CRLF3: variants seen among roughly 807,000 people sequenced by gnomAD.
The protein encoded by CRLF3 is cytokine receptor-like factor 3.
Under a neutral mutation model 55.0 loss-of-function variants are expected in CRLF3, and 33 were observed. That is an observed-to-expected ratio of 0.60 (90% confidence interval 0.46 to 0.80). The LOEUF is 0.80. Among genes scored for constraint, CRLF3 ranks in the 30% least tolerant of loss-of-function variants. The pLI, the probability that CRLF3 is intolerant of heterozygous loss-of-function variation, is 0.00. For missense variants in CRLF3, 494 were observed against 538.4 expected, an observed-to-expected ratio of 0.92 and a Z score of 0.82; for synonymous variants, 238 against 196.8, an observed-to-expected ratio of 1.21 and a Z score of -1.75.
At position 30,783,552 on chromosome 17, in the gene CRLF3, G is replaced by C. The variant is rs1971552714; in HGVS notation, c.*635C>G. The C allele has an allele frequency of 1.3e-5, 2 of 152,226 alleles. No individual in the cohort carries two copies. Among genetic ancestry groups the C allele is most frequent in the Admixed American group, 6.6e-5 (1 of 15,264 alleles). The allele number at this position is 152,226 out of a possible 1,614,324, so 9.4% of individuals were successfully genotyped here. On this transcript the variant is annotated 3_prime_UTR_variant, in exon 8 of 8. Coordinates refer to ENST00000324238, the MANE Select transcript of CRLF3 (RefSeq NM_015986.4). ...GGATCGCTTGAACGTGGGAGGCAGA[G>C]GTTGCAGTGAACTGAGATCACACCA... is the stretch of plus-strand genomic sequence containing the variant.
At position 30,793,565 on chromosome 17, in the gene CRLF3, C is replaced by T. The variant is rs765320244; in HGVS notation, c.711G>A (p.Leu237=). ...YVGSETEFIV[L]HIDPNVDYQF... is the part of the protein sequence containing the mutation. ...GGTAATCAACGTTGGGGTCTATGTG[C>T]AATACTATGAATTCAGTTTCAGAAC... Residue 237 remains leucine (L), a synonymous_variant, in exon 5 of 8, where the codon TTG becomes TTA. Transcript: ENST00000324238. 5 of 1,614,014 alleles carry T rather than the reference C, an allele frequency of 3.1e-6. No homozygotes were observed. Among genetic ancestry groups the T allele is most frequent in the Non-Finnish European group, 4.2e-6 (5 of 1,179,966 alleles).
intron 7 of CRLF3, chr17:30,784,695 C>T (rs971671343): frequency 2.6e-6 from 1 of 387,184 alleles, no homozygotes; most frequent in Non-Finnish European, 4.7e-6. Flanking sequence ...AATAGCAAGA[C>T]TATTTCTTAT....
rs532757594 is a variant in CRLF3 at position 30,809,335 on chromosome 17, T to C, written c.130-5227A>G. On this transcript the variant is annotated intron_variant, in intron 1 of 7. Transcript: ENST00000324238. ...ACTTGATACCACCATGGGATCATTT[T>C]CTTTTCCTTGAAATATTTCATGATT... is the stretch of plus-strand genomic sequence containing the variant. 6.6e-5 allele frequency among the ~76,000 whole-genome samples: 10 copies of C among 152,334 alleles called. No individual in the cohort carries two copies. The South Asian group carries it at 1.9e-3, about 28-fold the overall frequency.
chr17:30,785,894 A>G, intron 7 of CRLF3, 25 bp downstream of exon 7: 6 of 1,178,950 alleles, frequency 5.1e-6, no homozygotes, highest in Non-Finnish European at 6.3e-6. Context: ...TATTTCCAAG[A>G]GAATGACAGT....
chr17:30,807,202 G>A (rs1173883884), intron 1 of CRLF3, among the ~76,000 whole-genome samples: 3 of 151,880 alleles, frequency 2.0e-5, no homozygotes, highest in African/African-American at 7.3e-5. Flanking sequence ...AGTTTCATAT[G>A]ACATATTGTT....
At chr17:30,784,592 T>G in intron 7 of CRLF3, 149 bp from the exon 8 acceptor site, 1 of 667,986 alleles carries the variant, frequency 1.5e-6, no homozygotes. Context: ...TAGAGTTCTG[T>G]CCAGGGTTGT....
At chr17:30,819,068 C>T (rs1016226018) in intron 1 of CRLF3, among the ~76,000 whole-genome samples, 1 of 152,182 alleles carries the variant, frequency 6.6e-6, no homozygotes, top group Non-Finnish European at 1.5e-5. Context: ...CCACCCGCCT[C>T]GGCCTCCCAA....
At chr17:30,797,859 T>G (rs1971944905) in intron 2 of CRLF3, among the ~76,000 whole-genome samples, 1 of 150,624 alleles carries the variant, frequency 6.6e-6, no homozygotes, top group Admixed American at 6.7e-5. Flanking sequence ...ACTGCAGCCT[T>G]GAACTTCCAG....
intron 2 of CRLF3, among the ~76,000 whole-genome samples, chr17:30,797,932 G>A (rs1209224075): frequency 2.1e-5 from 3 of 140,970 alleles, no homozygotes; most frequent in African/African-American, 8.3e-5. Flanking sequence ...ACGCCACCAT[G>A]CCCAGCTATT....
chr17:30,800,981 AGC>A (rs1971999119), intron 2 of CRLF3: 1 of 152,234 alleles, frequency 6.6e-6, no homozygotes, highest in African/African-American at 2.4e-5. Context: ...TCACTGTGTT[AGC>A]CAGGATGGTC....
At chr17:30,793,357 G>C in intron 5 of CRLF3, 93 bp downstream of exon 5, 2 of 885,314 alleles carry the variant, frequency 2.3e-6, no homozygotes, top group Non-Finnish European at 3.6e-6. Context: ...TCTATGCTTA[G>C]AATAGCTGGT....
intron 1 of CRLF3, among the ~76,000 whole-genome samples, chr17:30,820,705 T>C (rs911424949): frequency 6.6e-6 from 1 of 151,088 alleles, no homozygotes; most frequent in Non-Finnish European, 1.5e-5. Context: ...GGCAGGAGAA[T>C]CTCTTGAACC....
At position 30,788,177 on chromosome 17, in the gene CRLF3, A is replaced by C. The variant is rs144869649; in HGVS notation, c.960-2146T>G. Among the ~76,000 whole-genome samples, 78 of 150,450 alleles carry C rather than the reference A, an allele frequency of 5.2e-4. 1 individual carries two copies. Among genetic ancestry groups the C allele is most frequent in the African/African-American group, 1.7e-3 (71 of 40,888 alleles). On this transcript the variant is annotated intron_variant, in intron 6 of 7. Coordinates refer to ENST00000324238, the MANE Select transcript of CRLF3 (RefSeq NM_015986.4). ...CCCCGTCTCTACTAAAAATACAATA[A>C]ATTAGCCGGGCGTGGTAGCAGGCGC...
chr17:30,803,039 C>T (rs1039598014), intron 2 of CRLF3, among the ~76,000 whole-genome samples: 7 of 151,682 alleles, frequency 4.6e-5, no homozygotes, highest in Admixed American at 3.9e-4. Context: ...GTGGGACGCG[C>T]CTGTAATCCC....
intron 2 of CRLF3, 46 bp from the exon 3 acceptor site, chr17:30,797,444 ATAAAG>A (rs1326591789): frequency 2.0e-6 from 3 of 1,483,298 alleles, no homozygotes; most frequent in Non-Finnish European, 2.8e-6. Flanking sequence ...ATGGTCACAT[ATAAAG>A]TAATCAACAC....
intron 6 of CRLF3, among the ~76,000 whole-genome samples, chr17:30,788,737 AGCT>A: frequency 6.7e-6 from 1 of 149,782 alleles, no homozygotes; most frequent in East Asian, 2.0e-4. Context: ...CCTCCTGAGT[AGCT>A]GGGATTACAG....
rs575014970 is a variant in CRLF3, at chr17:30,783,723, A to G, written c.*464T>C. ...TACCTGAACATGGAGAGCACAGTCA[A>G]CACATTCATGTGGACAGCACATGAA... On this transcript the variant is annotated 3_prime_UTR_variant, in exon 8 of 8. Coordinates refer to ENST00000324238, the MANE Select transcript of CRLF3 (RefSeq NM_015986.4). The G allele has an allele frequency of 3.9e-5, 6 of 153,324 alleles. No homozygotes were observed. Among genetic ancestry groups the G allele is most frequent in the South Asian group, 2.1e-4 (1 of 4,870 alleles). The allele number at this position is 153,324 out of a possible 1,614,324, so 9.5% of individuals were successfully genotyped here.
rs369208502 is a variant in CRLF3 at position 30,806,352 on chromosome 17, G to A, written c.130-2244C>T. 7.9e-5 allele frequency among the ~76,000 whole-genome samples: 12 copies of A among 152,254 alleles called. No individual in the cohort carries two copies. The East Asian group carries it at 2.3e-3, about 29-fold the overall frequency. On this transcript the variant is annotated intron_variant, in intron 1 of 7. Coordinates refer to ENST00000324238, the MANE Select transcript of CRLF3 (RefSeq NM_015986.4). ...TCAGAGCCAAACCATGGCTTGCCTG[G>A]AGCAGTAATTATGAAACTTCGTTTG...
chr17:30,800,875 C>T (rs1407834436), intron 2 of CRLF3, among the ~76,000 whole-genome samples: 1 of 150,836 alleles, frequency 6.6e-6, no homozygotes. Flanking sequence ...CCTGGGTTCA[C>T]GCCATTATCG....
Sources: gnomAD v4.1 joint callset for allele counts (sites outside exome capture counted in the v4.1 genomes callset) on GRCh38, gnomAD v4.1.1 for gene constraint, MANE v1.5 for transcripts, NCBI Gene and HGNC (gene_info 2026-07-23, HGNC 2026-07-21) for gene names.